Variants in ZDHHC15 observed in about 807,000 individuals in gnomAD.
The protein encoded by ZDHHC15 is zDHHC palmitoyltransferase 15.
ZDHHC15 carries 19 observed loss-of-function variants against 31.7 expected under a neutral mutation model. The observed-to-expected ratio is 0.60, with a 90% confidence interval of 0.42 to 0.88. ZDHHC15 has a LOEUF of 0.88. Among genes scored for constraint, ZDHHC15 ranks in the 40% least tolerant of loss-of-function variants. The pLI, the probability that ZDHHC15 is intolerant of heterozygous loss-of-function variation, is 0.00. For synonymous variants in ZDHHC15, 103 were observed against 90.0 expected (o/e 1.14, Z -0.82); for missense variants, 209 against 251.2 (o/e 0.83, Z 1.14).
chrX:75,397,392 C>T (rs1194801129), intron 10 of ZDHHC15, among the ~76,000 whole-genome samples: 2 of 110,855 alleles, frequency 1.8e-5, no homozygotes, highest in Admixed American at 1.9e-4. Flanking sequence ...TATAATTGGA[C>T]TGTTTGTAAC....
At chrX:75,387,065 T>G (rs2083187628) in intron 10 of ZDHHC15, among the ~76,000 whole-genome samples, 1 of 111,675 alleles carries the variant, frequency 9.0e-6, no homozygotes, top group African/African-American at 3.3e-5. Flanking sequence ...GTGCTCCCAT[T>G]GTTTACTAGA....
rs950318787 is a variant in ZDHHC15, at chrX:75,455,301, A to G, written c.259-4379T>C. ...CCTATTTAATAAATGGTGCTGGGAA[A>G]ACTAGCTAGCCATATGTAGAAAGCT... On this transcript the variant is annotated intron_variant, in intron 3 of 11. Transcript: ENST00000373367. Among the ~76,000 whole-genome samples the G allele has an allele frequency of 3.6e-5, 4 of 111,830 alleles. No individual in the cohort carries two copies. The Admixed American group carries it at 3.8e-4, about 11-fold the overall frequency.
chrX:75,406,054 C>G (rs1054053146), intron 10 of ZDHHC15, among the ~76,000 whole-genome samples: 4 of 111,336 alleles, frequency 3.6e-5, no homozygotes, highest in African/African-American at 1.3e-4. Context: ...TAAGATGAAC[C>G]CTGGAACCTG....
intron 4 of ZDHHC15, among the ~76,000 whole-genome samples, chrX:75,449,347 A>G (rs1007589119): frequency 3.6e-5 from 4 of 110,813 alleles, no homozygotes; most frequent in African/African-American, 9.9e-5. Flanking sequence ...TCCTCAGAGA[A>G]GCCTTTCCTA....
At chrX:75,472,287 C>T (rs976895652) in intron 3 of ZDHHC15, among the ~76,000 whole-genome samples, 1 of 111,675 alleles carries the variant, frequency 9.0e-6, no homozygotes, top group African/African-American at 3.3e-5. Context: ...GAAATGCAGG[C>T]ACCACCCAAA....
At chrX:75,486,179 T>G (rs2084775041) in intron 2 of ZDHHC15, among the ~76,000 whole-genome samples, 1 of 111,500 alleles carries the variant, frequency 9.0e-6, no homozygotes, top group Non-Finnish European at 1.9e-5. Context: ...AACCTGAAAA[T>G]CCAGATCACC....
intron 1 of ZDHHC15, among the ~76,000 whole-genome samples, chrX:75,517,357 A>C (rs904227269): frequency 9.0e-6 from 1 of 110,659 alleles, no homozygotes; most frequent in Non-Finnish European, 1.9e-5. Flanking sequence ...TCAATGATAG[A>C]CTGGATTAAG....
intron 2 of ZDHHC15, among the ~76,000 whole-genome samples, chrX:75,496,770 T>C (rs1368497511): frequency 1.8e-5 from 2 of 111,288 alleles, no homozygotes; most frequent in African/African-American, 6.5e-5. Context: ...AAAATCAAGA[T>C]GGAAAGGAAA....
chrX:75,491,885 A>C, intron 2 of ZDHHC15, among the ~76,000 whole-genome samples: 1 of 111,823 alleles, frequency 8.9e-6, no homozygotes, highest in South Asian at 3.8e-4. Flanking sequence ...TGCATCAATT[A>C]ACGAGCAAAA....
intron 10 of ZDHHC15, among the ~76,000 whole-genome samples, chrX:75,407,863 T>C (rs2083437718): frequency 8.9e-6 from 1 of 112,409 alleles, no homozygotes; most frequent in African/African-American, 3.2e-5. Context: ...TGTTCTGTAC[T>C]AAGAAAAATT....
At chrX:75,497,258 A>G (rs1282332938) in intron 2 of ZDHHC15, among the ~76,000 whole-genome samples, 16 of 111,794 alleles carry the variant, frequency 1.4e-4, no homozygotes, top group Non-Finnish European at 7.5e-5. Context: ...ATTCCTAGAA[A>G]TATTCAAGCT....
chrX:75,406,570 C>A (rs906728302), intron 10 of ZDHHC15, among the ~76,000 whole-genome samples: 1 of 110,275 alleles, frequency 9.1e-6, no homozygotes, highest in Non-Finnish European at 1.9e-5. Context: ...AAAAACTATA[C>A]ACCAACAAAT....
intron 4 of ZDHHC15, among the ~76,000 whole-genome samples, chrX:75,441,781 G>A (rs746982911): frequency 9.1e-6 from 1 of 109,726 alleles, no homozygotes; most frequent in African/African-American, 3.3e-5. Context: ...CCGCCACTGC[G>A]CACGGCTAAT....
Position 75,372,837 on chromosome X carries a change from T to G in ZDHHC15, c.*141A>C, listed in dbSNP as rs2083016502. 1 of 111,954 alleles carries G rather than the reference T, an allele frequency of 8.9e-6. No homozygotes were observed. The highest frequency in any genetic ancestry group is 1.9e-5 in the Non-Finnish European group (1 of 53,134). The allele number at this position is 111,954 out of a possible 1,213,427, so 9.2% of individuals were successfully genotyped here. A position where few individuals can be genotyped will look rare whatever the true frequency, so the allele number is the denominator to read the frequency against. On this transcript the variant is annotated 3_prime_UTR_variant, in exon 12 of 12. Transcript: ENST00000373367. ...TTACACAGCAAGTATTTGATGGAAT[T>G]CTTTCAAATTTTGAAGCTTTCAATC...
In ZDHHC15 at chrX:75,372,535, G is replaced by T. The variant is rs1040046074; in HGVS notation, c.*443C>A. 9.0e-6 allele frequency: 1 copy of T among 111,347 alleles called. No individual in the cohort carries two copies. Among genetic ancestry groups the T allele is most frequent in the African/African-American group, 3.3e-5 (1 of 30,659 alleles). The allele number at this position is 111,347 out of a possible 1,213,427, so 9.2% of individuals were successfully genotyped here. A position where few individuals can be genotyped will look rare whatever the true frequency, so the allele number is the denominator to read the frequency against. On this transcript the variant is annotated 3_prime_UTR_variant, in exon 12 of 12. Coordinates refer to ENST00000373367, the MANE Select transcript of ZDHHC15 (RefSeq NM_144969.3). ...GCTGTACGTGTTCACAAATGCACAC[G>T]CACACAAGCAGCAAATGTAGTTTGA...
At chrX:75,518,903 G>A (rs1400014271) in intron 1 of ZDHHC15, among the ~76,000 whole-genome samples, 5 of 100,688 alleles carry the variant, frequency 5.0e-5, no homozygotes, top group African/African-American at 1.5e-4. Flanking sequence ...AATATAATGT[G>A]GACCAATTTC....
In ZDHHC15 at chrX:75,473,553, T is replaced by G. The variant is rs146530051; in HGVS notation, c.258+5338A>C. Reference sequence around the variant, plus strand: ...CCACCTGGACAGTTTGGGCTCCTCCTACCTTTAAGTCAACAAGCTAAGAAT... The same window carrying G: ...CCACCTGGACAGTTTGGGCTCCTCCGACCTTTAAGTCAACAAGCTAAGAAT... On this transcript the variant is annotated intron_variant, in intron 3 of 11. Coordinates refer to ENST00000373367, the MANE Select transcript of ZDHHC15 (RefSeq NM_144969.3). Among the ~76,000 whole-genome samples, 939 of 111,351 alleles carry G rather than the reference T, an allele frequency of 8.4e-3. 14 individuals carry two copies. Among genetic ancestry groups the G allele is most frequent in the African/African-American group, 0.03 (903 of 30,596 alleles).
intron 2 of ZDHHC15, among the ~76,000 whole-genome samples, chrX:75,487,089 C>T (rs2084790140): frequency 9.0e-6 from 1 of 111,686 alleles, no homozygotes; most frequent in African/African-American, 3.3e-5. Flanking sequence ...GCCATTACAG[C>T]AACTCATAAC....
intron 2 of ZDHHC15, among the ~76,000 whole-genome samples, chrX:75,491,813 A>G (rs960019448): frequency 3.6e-5 from 4 of 111,396 alleles, no homozygotes; most frequent in Non-Finnish European, 1.9e-5. Context: ...GAAAGGAATG[A>G]TCAGTACCAG....
Sources: allele counts gnomAD v4.1 joint callset (sites outside exome capture counted in the v4.1 genomes callset), GRCh38; gene constraint gnomAD v4.1.1; transcripts MANE v1.5; gene names NCBI Gene and HGNC (gene_info 2026-07-23, HGNC 2026-07-21).